The following SHANK2 variants were observed in gnomAD, a reference collection of about 807,000 sequenced individuals.
SHANK2 encodes the protein SH3 and multiple ankyrin repeat domains 2.
Under a neutral mutation model 133.7 loss-of-function variants are expected in SHANK2, and 43 were observed. That is an observed-to-expected ratio of 0.32 (90% CI 0.25 to 0.41). SHANK2 has a LOEUF of 0.41. Among genes scored for constraint, SHANK2 ranks in the 10% least tolerant of loss-of-function variants. SHANK2 has a pLI of 1.00. For missense variants in SHANK2, 1,994 were observed against 2,235.8 expected, an observed-to-expected ratio of 0.89 and a Z score of 2.18; for synonymous variants, 1,017 against 952.8, an observed-to-expected ratio of 1.07 and a Z score of -1.24.
intron 17 of SHANK2, among the ~76,000 whole-genome samples, chr11:70,624,708 G>A (rs2060880782): frequency 6.6e-6 from 1 of 152,198 alleles, no homozygotes; most frequent in Admixed American, 6.5e-5. Flanking sequence ...CTGGCATGGA[G>A]TGGGGAGAGG....
intron 6 of SHANK2, among the ~76,000 whole-genome samples, chr11:71,096,952 A>AACCACATCCTGTTGGTG (rs1371721867): frequency 2.0e-5 from 3 of 152,206 alleles, no homozygotes; most frequent in African/African-American, 7.2e-5. Context: ...CCTGCAGCCA[A>AACCACATCCTGTTGGTG]ACCACATCCT....
intron 17 of SHANK2, chr11:70,635,440 C>T (rs1319707860): frequency 6.6e-6 from 1 of 151,754 alleles, no homozygotes; most frequent in Non-Finnish European, 1.5e-5. Flanking sequence ...AGGTATTACA[C>T]TGAGTGAAAT....
intron 1 of SHANK2, among the ~76,000 whole-genome samples, chr11:71,247,778 TTGTGGCCTA>T (rs1555125228): frequency 6.6e-6 from 1 of 152,118 alleles, no homozygotes; most frequent in African/African-American, 2.4e-5. Context: ...GATTGGGAGT[TTGTGGCCTA>T]ATTCCATTCA....
intron 17 of SHANK2, among the ~76,000 whole-genome samples, chr11:70,549,987 T>G (rs1354478641): frequency 1.3e-5 from 2 of 152,040 alleles, no homozygotes; most frequent in Admixed American, 6.5e-5. Flanking sequence ...GGCCTCCCCA[T>G]GTGCAGGGCA....
intron 8 of SHANK2, among the ~76,000 whole-genome samples, chr11:71,083,317 T>TG (rs1278101535): frequency 1.3e-5 from 2 of 152,066 alleles, no homozygotes; most frequent in African/African-American, 2.4e-5. Context: ...AGGATGATGA[T>TG]GGGGGGACAG....
At chr11:70,504,397 T>G (rs1395376427) in intron 17 of SHANK2, among the ~76,000 whole-genome samples, 1 of 126,958 alleles carries the variant, frequency 7.9e-6, no homozygotes, top group Admixed American at 8.4e-5. Flanking sequence ...CCAGTTTTGG[T>G]CACCTACGAG....
chr11:70,689,916 G>A (rs1372165429), intron 15 of SHANK2, among the ~76,000 whole-genome samples: 2 of 152,212 alleles, frequency 1.3e-5, no homozygotes, highest in African/African-American at 2.4e-5. Flanking sequence ...GTAGAGACGG[G>A]ATGGTGATGA....
chr11:71,139,420 T>G, intron 3 of SHANK2, among the ~76,000 whole-genome samples: 1 of 151,882 alleles, frequency 6.6e-6, no homozygotes. Flanking sequence ...AGTTAATGGG[T>G]GCAGCACAGC....
chr11:71,219,610 G>C (rs1013090346), intron 2 of SHANK2, among the ~76,000 whole-genome samples: 6 of 152,056 alleles, frequency 3.9e-5, no homozygotes, highest in African/African-American at 1.4e-4. Flanking sequence ...AAACAAACAG[G>C]CCAGGTGTGA....
At chr11:70,615,404 G>T (rs1330547681) in intron 17 of SHANK2, among the ~76,000 whole-genome samples, 1 of 152,100 alleles carries the variant, frequency 6.6e-6, no homozygotes, top group Non-Finnish European at 1.5e-5. Context: ...GAGAGGGAGG[G>T]CTGACTGGAA....
At chr11:71,128,756 C>T (rs1273197324) in intron 3 of SHANK2, among the ~76,000 whole-genome samples, 1 of 152,210 alleles carries the variant, frequency 6.6e-6, no homozygotes, top group African/African-American at 2.4e-5. Context: ...GTTAAGTGCT[C>T]CTCCCTGCCC....
intron 12 of SHANK2, among the ~76,000 whole-genome samples, chr11:70,819,663 T>A (rs577977399): frequency 6.6e-6 from 1 of 152,164 alleles, no homozygotes; most frequent in Non-Finnish European, 1.5e-5. Flanking sequence ...GTCTGCCCTA[T>A]GCTGCCCATG....
Position 71,076,781 on chromosome 11 carries a change from G to A in SHANK2, c.913-1506C>T, listed in dbSNP as rs895935768. Among the ~76,000 whole-genome samples, 689 of 152,354 alleles carry A rather than the reference G, an allele frequency of 4.5e-3. 5 individuals are homozygous for A. The highest frequency in any genetic ancestry group is 0.015 in the African/African-American group (643 of 41,588). ...CCTGCAGAGGCACAGGACATAGGCA[G>A]GAGCCATCAGGTTCCAACTCCCCAG... is the stretch of plus-strand genomic sequence containing the variant. On this transcript the variant is annotated intron_variant, in intron 8 of 25. Transcript: ENST00000601538.
Position 70,916,713 on chromosome 11 carries a change from G to C in SHANK2, c.1108-20146C>G, listed in dbSNP as rs559701810. 2.3e-4 allele frequency among the ~76,000 whole-genome samples: 35 copies of C among 152,236 alleles called. 1 individual carries two copies. The South Asian group carries it at 7.3e-3, about 32-fold the overall frequency. On this transcript the variant is annotated intron_variant, in intron 10 of 25. Coordinates refer to ENST00000601538, the MANE Select transcript of SHANK2 (RefSeq NM_012309.5). ...GCATCTTCCTGCTGTCTGAAGAGAG[G>C]CTTGCAAAATGCTAATGTGACTCCA...
At chr11:71,236,294 T>C (rs568100188) in intron 1 of SHANK2, among the ~76,000 whole-genome samples, 2 of 152,304 alleles carry the variant, frequency 1.3e-5, no homozygotes, top group South Asian at 4.1e-4. Flanking sequence ...CACAAAATGC[T>C]GTGACCAGTA....
intron 18 of SHANK2, 122 bp from the exon 19 acceptor site, chr11:70,502,408 GGATTGTGCAGGT>G: frequency 1.2e-6 from 1 of 863,110 alleles, no homozygotes; most frequent in East Asian, 2.6e-5. Context: ...CGGTGGTCAG[GGATTGTGCAGGT>G]GTGCTTATGA....
intron 2 of SHANK2, among the ~76,000 whole-genome samples, chr11:71,177,802 T>C (rs1953475928): frequency 6.6e-6 from 1 of 151,842 alleles, no homozygotes; most frequent in African/African-American, 2.4e-5. Flanking sequence ...AAATCGCAAA[T>C]AAGCACGTGA....
intron 10 of SHANK2, chr11:70,907,900 G>A (rs781876780): frequency 3.5e-5 from 16 of 453,720 alleles, no homozygotes; most frequent in South Asian, 1.6e-4. Flanking sequence ...TCAAGAGTTC[G>A]AGACCAGTCT....
In SHANK2 at chr11:70,858,298, C is replaced by A. The variant is rs777613564; in HGVS notation, c.1175-37616G>T. On this transcript the variant is annotated intron_variant, in intron 11 of 25. Coordinates refer to ENST00000601538, the MANE Select transcript of SHANK2 (RefSeq NM_012309.5). ...GCCACTAAATTTGTATTGCGCTGTG[C>A]GGCCAGGTTGCTCTTCTCTTAGCCA... is the stretch of plus-strand genomic sequence containing the variant. Among the ~76,000 whole-genome samples, 4 of 152,330 alleles carry A rather than the reference C, an allele frequency of 2.6e-5. No homozygotes were observed. In the South Asian group the frequency reaches 8.3e-4, roughly 32 times the overall value.
Sources: gnomAD v4.1 joint callset for allele counts (sites outside exome capture counted in the v4.1 genomes callset) on GRCh38, gnomAD v4.1.1 for gene constraint, MANE v1.5 for transcripts, NCBI Gene and HGNC (gene_info 2026-07-23, HGNC 2026-07-21) for gene names.